Variants in MYH11 observed in about 807,000 individuals in gnomAD.
The protein encoded by MYH11 is myosin heavy chain 11.
Under a neutral mutation model 246.6 loss-of-function variants are expected in MYH11, and 80 were observed. The observed-to-expected ratio is 0.32, with a 90% CI of 0.27 to 0.39. The LOEUF (loss-of-function observed/expected upper bound fraction) is 0.39. Among genes scored for constraint, MYH11 ranks in the 10% least tolerant of loss-of-function variants. The pLI, the probability that MYH11 is intolerant of heterozygous loss-of-function variation, is 1.00. For synonymous variants in MYH11, 1,071 were observed against 1,015.5 expected (o/e 1.05, Z -1.04); for missense variants, 2,158 against 2,546.8 (o/e 0.85, Z 3.29).
At chr16:15,761,962 ACTTAGTT>A (rs2041877208) in intron 10 of MYH11, among the ~76,000 whole-genome samples, 1 of 152,114 alleles carries the variant, frequency 6.6e-6, no homozygotes, top group East Asian at 1.9e-4. Flanking sequence ...CTTGGCAGGA[ACTTAGTT>A]TATAGTTTAT....
intron 1 of MYH11, among the ~76,000 whole-genome samples, chr16:15,845,453 T>C (rs931506141): frequency 6.6e-6 from 1 of 152,156 alleles, no homozygotes; most frequent in African/African-American, 2.4e-5. Context: ...CTATACCCTT[T>C]CTCACTTCCG....
chr16:15,850,438 G>A (rs2044302014), intron 1 of MYH11, among the ~76,000 whole-genome samples: 1 of 152,202 alleles, frequency 6.6e-6, no homozygotes, highest in Non-Finnish European at 1.5e-5. Flanking sequence ...AGAGAGTATA[G>A]GATTTGCACA....
chr16:15,713,788 T>G (rs1006768617), intron 40 of MYH11: 1 of 152,306 alleles, frequency 6.6e-6, no homozygotes, highest in African/African-American at 2.4e-5. Flanking sequence ...CCAGCCAAGC[T>G]TGAGTTTCAT....
rs2040435747 is a variant in MYH11, at chr16:15,720,887, T to C, written c.4743A>G (p.Gln1581=). 1.2e-6 allele frequency: 2 copies of C among 1,613,940 alleles called. No homozygotes were observed. Among genetic ancestry groups the C allele is most frequent in the South Asian group, 2.2e-5 (2 of 91,080 alleles). Residue 1581 remains glutamine (Q), a synonymous_variant, in exon 33 of 41, where the codon CAA becomes CAG. Transcript: ENST00000300036. ...ALKGQFERDL[Q]ARDEQNEEKR... ...TCTCCTCATTCTGCTCGTCCCGGGCTTGGAGATCCCTTTCGAACTGGCCCT... is the reference window on the plus strand; with the variant it reads ...TCTCCTCATTCTGCTCGTCCCGGGCCTGGAGATCCCTTTCGAACTGGCCCT...
Position 15,717,106 on chromosome 16 carries a change from T to G in MYH11, c.5504+34A>C, listed in dbSNP as rs745652456. On this transcript the variant is annotated intron_variant, in intron 38 of 40. Coordinates refer to ENST00000300036, the MANE Select transcript of MYH11 (RefSeq NM_002474.3). ...TGACTCCTGCTGTCCATCACCCCCC[T>G]GCAAACTGGGTTCGGAACTCCACAC... 3.7e-6 allele frequency: 6 copies of G among 1,610,660 alleles called. No individual in the cohort carries two copies. In the East Asian group the frequency reaches 6.7e-5, roughly 18 times the overall value.
At chr16:15,753,068 G>C (rs2041614853) in intron 15 of MYH11, among the ~76,000 whole-genome samples, 1 of 152,144 alleles carries the variant, frequency 6.6e-6, no homozygotes, top group Non-Finnish European at 1.5e-5. Flanking sequence ...GCTAGGAGGT[G>C]GCAGAGACAA....
In MYH11 at chr16:15,715,157, G is replaced by A; in HGVS notation, c.5613+7C>T. ...GGGCTCGAGGGAGGCTGGGTGGCAG[G>A]GGCTACCTGCTCCTTGTACTGCTCG... is the stretch of plus-strand genomic sequence containing the variant. On this transcript the variant is annotated splice_region_variant and intron_variant, in intron 39 of 40. Transcript: ENST00000300036. 6.2e-7 allele frequency: 1 copy of A among 1,613,396 alleles called. No homozygotes were observed. The highest frequency in any genetic ancestry group is 8.5e-7 in the Non-Finnish European group (1 of 1,180,004).
intron 9 of MYH11, among the ~76,000 whole-genome samples, chr16:15,767,923 T>TA (rs1236308629): frequency 6.6e-6 from 1 of 151,278 alleles, no homozygotes; most frequent in African/African-American, 2.4e-5. Flanking sequence ...ATCTTGTCTT[T>TA]TAAAAAAAAA....
chr16:15,743,983 T>C (rs1407741482), intron 20 of MYH11, among the ~76,000 whole-genome samples: 3 of 152,048 alleles, frequency 2.0e-5, no homozygotes, highest in Non-Finnish European at 4.4e-5. Flanking sequence ...AAAAATAATA[T>C]GCTATGGCCA....
chr16:15,733,285 G>A (rs1010395552), intron 26 of MYH11, among the ~76,000 whole-genome samples: 6 of 152,194 alleles, frequency 3.9e-5, no homozygotes, highest in Non-Finnish European at 8.8e-5. Flanking sequence ...CCAGGCTGGA[G>A]TGCGACAGCG....
chr16:15,814,553 CA>C (rs58806731), intron 3 of MYH11, among the ~76,000 whole-genome samples: 146 of 22,814 alleles, frequency 6.4e-3, no homozygotes, highest in East Asian at 8.9e-3. Flanking sequence ...AACTCCATCT[CA>C]AAAAAAAAAA....
intron 3 of MYH11, among the ~76,000 whole-genome samples, chr16:15,803,920 A>G (rs2042949315): frequency 6.6e-6 from 1 of 152,128 alleles, no homozygotes; most frequent in South Asian, 2.1e-4. Flanking sequence ...AGGCGTGGGA[A>G]GCTTGCAGGG....
At chr16:15,725,766 G>A (rs1317563870) in intron 28 of MYH11, 2 of 398,746 alleles carry the variant, frequency 5.0e-6, no homozygotes, top group Non-Finnish European at 8.8e-6. Context: ...CCCCATGAGT[G>A]GCAAGGCAGG....
chr16:15,803,140 G>T (rs1399202705), intron 3 of MYH11, among the ~76,000 whole-genome samples: 1 of 149,188 alleles, frequency 6.7e-6, no homozygotes, highest in Non-Finnish European at 1.5e-5. Context: ...CCATCTCAAA[G>T]AAAAAAAAAG....
chr16:15,727,535 G>T (rs2040830527), intron 27 of MYH11, among the ~76,000 whole-genome samples: 1 of 152,118 alleles, frequency 6.6e-6, no homozygotes, highest in South Asian at 2.1e-4. Flanking sequence ...AAGCTCATGG[G>T]TTGCAATCTG....
chr16:15,755,498 G>T (rs909931012), intron 14 of MYH11, among the ~76,000 whole-genome samples: 3 of 152,162 alleles, frequency 2.0e-5, no homozygotes, highest in Middle Eastern at 3.2e-3. Flanking sequence ...TACAAGAAAA[G>T]CAGGCTGAGG....
chr16:15,828,366 T>C (rs1362337930), intron 2 of MYH11, among the ~76,000 whole-genome samples: 1 of 152,184 alleles, frequency 6.6e-6, no homozygotes, highest in African/African-American at 2.4e-5. Context: ...GAGCCTTCAA[T>C]ATGCTGTTCT....
chr16:15,831,685 T>C (rs2043743910), intron 2 of MYH11, among the ~76,000 whole-genome samples: 1 of 152,124 alleles, frequency 6.6e-6, no homozygotes, highest in Admixed American at 6.6e-5. Flanking sequence ...ATGCCTGTAA[T>C]CCCAGCACGT....
At chr16:15,795,512 G>A (rs1241296121) in intron 4 of MYH11, among the ~76,000 whole-genome samples, 2 of 152,222 alleles carry the variant, frequency 1.3e-5, no homozygotes, top group Non-Finnish European at 2.9e-5. Flanking sequence ...TCGGGAGGCT[G>A]AGGCAGGAGA....
Sources: gnomAD v4.1 joint callset for allele counts (sites outside exome capture counted in the v4.1 genomes callset) on GRCh38, gnomAD v4.1.1 for gene constraint, MANE v1.5 for transcripts, NCBI Gene and HGNC (gene_info 2026-07-23, HGNC 2026-07-21) for gene names.